The following TMEM237 variants were observed in gnomAD, a reference collection of about 807,000 sequenced individuals.
TMEM237 encodes amyotrophic lateral sclerosis 2 (juvenile) chromosome region, candidate 4.
TMEM237 carries 51 observed loss-of-function variants against 59.1 expected under a neutral mutation model. That is an observed-to-expected ratio of 0.86 (90% CI 0.69 to 1.09). The LOEUF (loss-of-function observed/expected upper bound fraction) is 1.09. Among genes scored for constraint, TMEM237 ranks in the 50% least tolerant of loss-of-function variants. The pLI, the probability that TMEM237 is intolerant of heterozygous loss-of-function variation, is 0.00. For synonymous variants in TMEM237, 140 were observed against 166.1 expected (o/e 0.84, Z 1.21); for missense variants, 475 against 478.3 (o/e 0.99, Z 0.06).
In TMEM237 at chr2:201,633,503, T is replaced by A. The variant is rs989392562; in HGVS notation, c.275-72A>T. On this transcript the variant is annotated intron_variant, in intron 5 of 12. Coordinates refer to ENST00000409883, the MANE Select transcript of TMEM237 (RefSeq NM_001044385.3). ...AGAAAAGTAATGTACAAGACTTGTA[T>A]AAGAGAAAAGAACTTCAAGAATTTT... The A allele has an allele frequency of 2.5e-6, 3 of 1,206,178 alleles. No homozygotes were observed. In the East Asian group the frequency reaches 9.3e-5, roughly 37 times the overall value. The allele number at this position is 1,206,178 out of a possible 1,614,324, so 74.7% of individuals were successfully genotyped here.
intron 11 of TMEM237, 148 bp downstream of exon 11, chr2:201,627,173 C>G: frequency 1.8e-6 from 1 of 569,964 alleles, no homozygotes; most frequent in Non-Finnish European, 3.1e-6. Flanking sequence ...CAATAGTTAC[C>G]CATTAACCAA....
chr2:201,633,196 AG>A, intron 6 of TMEM237, 114 bp downstream of exon 6: 2 of 1,029,328 alleles, frequency 1.9e-6, no homozygotes, highest in South Asian at 3.9e-5. Context: ...CTTATCCTAG[AG>A]GTACACAAAT....
At position 201,627,337 on chromosome 2, in the gene TMEM237, CAGA is replaced by C. The variant is rs1253829624; in HGVS notation, c.1018_1020del (p.Ser340del). 2.5e-6 allele frequency: 4 copies of C among 1,606,950 alleles called. No homozygotes were observed. The highest frequency in any genetic ancestry group is 2.6e-6 in the Non-Finnish European group (3 of 1,176,428). On this transcript the variant is annotated inframe_deletion, in exon 11 of 13. Transcript: ENST00000409883. ...AATTCTTACCAGAGGCTACCATTAACAGAAGAAGGTGTGTAAAGGTGGATTCTG... is the reference window on the plus strand; with the variant it reads ...AATTCTTACCAGAGGCTACCATTAACAGAAGGTGTGTAAAGGTGGATTCTG...
chr2:201,642,681 C>T (rs1211651085), intron 1 of TMEM237: 1 of 1,603,756 alleles, frequency 6.2e-7, no homozygotes, highest in Admixed American at 1.7e-5. Context: ...GGCGCCCCAC[C>T]CCTCCCGGCT....
At chr2:201,640,782 G>T in intron 2 of TMEM237, 111 bp downstream of exon 2, 1 of 917,878 alleles carries the variant, frequency 1.1e-6, no homozygotes, top group Non-Finnish European at 1.6e-6. Flanking sequence ...AAATTTTTCA[G>T]AAGAGTTTCC....
rs1957814184 is a variant in TMEM237, at chr2:201,632,226, G to A, written c.396-18C>T. ...GGGTTTTCCTGTAATAAGGACGTATGTATGAAAAATAGATGATTATTGAAT... is the reference window on the plus strand; with the variant it reads ...GGGTTTTCCTGTAATAAGGACGTATATATGAAAAATAGATGATTATTGAAT... On this transcript the variant is annotated intron_variant, in intron 6 of 12. Transcript: ENST00000409883. 1 of 1,611,856 alleles carries A rather than the reference G, an allele frequency of 6.2e-7. No homozygotes were observed. The highest frequency in any genetic ancestry group is 8.5e-7 in the Non-Finnish European group (1 of 1,178,466).
chr2:201,626,115 G>A lies in TMEM237; in HGVS notation c.1070C>T (p.Pro357Leu), dbSNP rs1047227861. The A allele has an allele frequency of 2.5e-6, 4 of 1,610,514 alleles. No individual in the cohort carries two copies. Among genetic ancestry groups the A allele is most frequent in the Middle Eastern group, 1.6e-4 (1 of 6,080 alleles). The change falls in exon 12 of 13, where the codon CCA (proline) becomes CTA (leucine). Residue 357 changes from proline (P) to leucine (L), a missense_variant. By Grantham distance (98) the Pro-to-Leu change is moderately conservative (BLOSUM62 -3). Coordinates refer to ENST00000409883, the MANE Select transcript of TMEM237 (RefSeq NM_001044385.3). ...CACCACGAGATTCACCACAATCCATGGCTGGAGAATCTGTTCCTCAATTCC... is the reference window on the plus strand; with the variant it reads ...CACCACGAGATTCACCACAATCCATAGCTGGAGAATCTGTTCCTCAATTCC... The part of the protein sequence containing the change: ...EAGIEEQILQ[P>L]WIVVNLVVAL...
chr2:201,636,794 T>C lies in TMEM237; in HGVS notation c.228A>G (p.Pro76=). The C allele has an allele frequency of 2.5e-6, 4 of 1,592,374 alleles. No homozygotes were observed. Among genetic ancestry groups the C allele is most frequent in the Non-Finnish European group, 3.4e-6 (4 of 1,168,794 alleles). The part of the protein sequence containing the change: ...EPSTKELKEH[P]EAPVQRRQKK... ...TCTGTCTTCTTTGAACAGGAGCCTC[T>C]GGGTGCTCTTTGAGTTCTTTAGTTG... is the stretch of plus-strand genomic sequence containing the variant. The change falls in exon 5 of 13, where the codon CCA becomes CCG. Residue 76 remains proline, a synonymous_variant. Transcript: ENST00000409883.
chr2:201,639,549 A>G (rs929400824), intron 3 of TMEM237, among the ~76,000 whole-genome samples: 1 of 152,224 alleles, frequency 6.6e-6, no homozygotes, highest in Non-Finnish European at 1.5e-5. Context: ...TAATCCCAAC[A>G]CTTTGGGAGG....
chr2:201,631,721 C>CTGTG (rs146248768), intron 7 of TMEM237, among the ~76,000 whole-genome samples: 73 of 151,430 alleles, frequency 4.8e-4, no homozygotes, highest in African/African-American at 1.7e-3. Flanking sequence ...ATAGATCAAA[C>CTGTG]TGTGTGTGTG....
At chr2:201,638,755 A>T in intron 4 of TMEM237, 1 of 539,018 alleles carries the variant, frequency 1.9e-6, no homozygotes. Flanking sequence ...ATAGGAGCTT[A>T]GATGGCACCA....
rs1238690080 is a variant in TMEM237, at chr2:201,622,442, G to A, written c.*1813C>T. ...GAGGATTTGTTTCCTTGCTCATTTG[G>A]GATACTCATAGAACTCAGTTCCTTG... On this transcript the variant is annotated 3_prime_UTR_variant, in exon 13 of 13. Coordinates refer to ENST00000409883, the MANE Select transcript of TMEM237 (RefSeq NM_001044385.3). 6.6e-6 allele frequency: 1 copy of A among 152,194 alleles called. No homozygotes were observed. The highest frequency in any genetic ancestry group is 2.4e-5 in the African/African-American group (1 of 41,416). 9.4% of individuals were successfully genotyped at this position (152,194 alleles called of 1,614,324 possible).
intron 1 of TMEM237, among the ~76,000 whole-genome samples, chr2:201,641,910 T>C (rs1307298664): frequency 6.6e-6 from 1 of 152,100 alleles, no homozygotes; most frequent in East Asian, 1.9e-4. Flanking sequence ...TGCCGCACAA[T>C]TACCAAGGAG....
In TMEM237 at chr2:201,642,784, C is replaced by T. The variant is rs565247932; in HGVS notation, c.42+575G>A. 792 of 1,423,292 alleles carry T rather than the reference C, an allele frequency of 5.6e-4. 3 individuals are homozygous for T. Among genetic ancestry groups the T allele is most frequent in the South Asian group, 5.1e-3 (326 of 63,760 alleles). 88.2% of individuals were successfully genotyped at this position (1,423,292 alleles called of 1,614,324 possible). A position where few individuals can be genotyped will look rare whatever the true frequency, so the allele number is the denominator to read the frequency against. ...CCTGCGGGGATGTTGCGGTGAGAGG[C>T]GTGCAGGGACCTGGATTGGCCAGTC... On this transcript the variant is annotated intron_variant, in intron 1 of 12. Coordinates refer to ENST00000409883, the MANE Select transcript of TMEM237 (RefSeq NM_001044385.3).
intron 3 of TMEM237, among the ~76,000 whole-genome samples, chr2:201,639,846 A>C (rs894972877): frequency 6.6e-6 from 1 of 152,238 alleles, no homozygotes; most frequent in African/African-American, 2.4e-5. Context: ...AATAGTAAAA[A>C]GGTAGTGAAA....
rs752946658 is a variant in TMEM237 at position 201,633,319 on chromosome 2, C to T, written c.387G>A (p.Arg129=). The part of the protein sequence containing the change: ...AEEAVIQKPR[R]KTKKTQPAEL... ...AATAAATAAATTCCTACTTTGTCTT[C>T]CTCCGAGGTTTTTGAATAACTGCCT... is the stretch of plus-strand genomic sequence containing the variant. The change falls in exon 6 of 13, where the codon AGG becomes AGA. Residue 129 remains arginine (R), a synonymous_variant. Transcript: ENST00000409883. 28 of 1,598,434 alleles carry T rather than the reference C, an allele frequency of 1.8e-5. 1 individual carries two copies. The highest frequency in any genetic ancestry group is 1.0e-4 in the South Asian group (9 of 87,734).
At chr2:201,628,240 A>C (rs1957777192) in intron 9 of TMEM237, 91 bp from the exon 10 acceptor site, 2 of 834,936 alleles carry the variant, frequency 2.4e-6, no homozygotes, top group South Asian at 3.2e-5. Flanking sequence ...TCTCTAGTCT[A>C]ATGCTAGCAC....
rs1957708881 is a variant in TMEM237, at chr2:201,621,617, A to G, written c.*2638T>C. On this transcript the variant is annotated 3_prime_UTR_variant, in exon 13 of 13. Transcript: ENST00000409883. ...ATAAAATTACATACTGTATGATTCAATTTATAACATTATTGAAATGACAGA... is the reference window on the plus strand; with the variant it reads ...ATAAAATTACATACTGTATGATTCAGTTTATAACATTATTGAAATGACAGA... 1.3e-5 allele frequency: 2 copies of G among 152,684 alleles called. No individual in the cohort carries two copies. The highest frequency in any genetic ancestry group is 6.5e-5 in the Admixed American group (1 of 15,284). The allele number at this position is 152,684 out of a possible 1,614,324, so 9.5% of individuals were successfully genotyped here.
intron 1 of TMEM237, chr2:201,642,540 C>A: frequency 6.4e-7 from 1 of 1,568,054 alleles, no homozygotes; most frequent in Non-Finnish European, 8.6e-7. Context: ...AACCTCTAAT[C>A]CTCAAAAGTA....
Sources: allele counts gnomAD v4.1 joint callset (sites outside exome capture counted in the v4.1 genomes callset), GRCh38; gene constraint gnomAD v4.1.1; transcripts MANE v1.5; gene names NCBI Gene and HGNC (gene_info 2026-07-23, HGNC 2026-07-21).